Variants in DMD observed in about 807,000 individuals in gnomAD.
DMD encodes mutant dystrophin.
DMD carries 63 observed loss-of-function variants against 330.1 expected under a neutral mutation model. The observed-to-expected ratio is 0.19, with a 90% CI of 0.16 to 0.24. The LOEUF (loss-of-function observed/expected upper bound fraction) is 0.24. DMD is among the 10% of genes least tolerant of loss of function. The pLI is 1.00. For synonymous variants in DMD, 1,223 were observed against 959.8 expected (o/e 1.27, Z -5.07); for missense variants, 3,344 against 2,684.1 (o/e 1.25, Z -5.43).
chrX:32,478,140 G>C (rs180805449), intron 21 of DMD, among the ~76,000 whole-genome samples: 56 of 111,449 alleles, frequency 5.0e-4, no homozygotes, highest in African/African-American at 1.7e-3. Flanking sequence ...CATTTAGGGG[G>C]AGAAAGAGAT....
chrX:31,922,525 TGC>T (rs1557004122), intron 47 of DMD, among the ~76,000 whole-genome samples: 1 of 106,356 alleles, frequency 9.4e-6, no homozygotes, highest in Non-Finnish European at 2.0e-5. Context: ...TGTGTGTGTG[TGC>T]GCGCGCGTGC....
intron 45 of DMD, among the ~76,000 whole-genome samples, chrX:31,966,393 T>G (rs1031640249): frequency 7.2e-5 from 8 of 110,992 alleles, no homozygotes; most frequent in Non-Finnish European, 1.1e-4. Flanking sequence ...AAAATTTAAG[T>G]GATATAAAAA....
intron 44 of DMD, among the ~76,000 whole-genome samples, chrX:32,196,918 A>G (rs542737071): frequency 6.4e-4 from 62 of 97,189 alleles, no homozygotes; most frequent in South Asian, 1.7e-3. Context: ...CCCGGGAGGC[A>G]GAGCTTGCAG....
intron 61 of DMD, among the ~76,000 whole-genome samples, chrX:31,334,231 G>A (rs911627794): frequency 1.8e-5 from 2 of 112,261 alleles, no homozygotes; most frequent in Admixed American, 1.9e-4. Context: ...ACCGCGCCCG[G>A]CCCGAGATAT....
intron 1 of DMD, among the ~76,000 whole-genome samples, chrX:33,321,113 G>A (rs1270252291): frequency 9.0e-6 from 1 of 111,277 alleles, no homozygotes; most frequent in Non-Finnish European, 1.9e-5. Flanking sequence ...CTAAACTCCT[G>A]TTAAATGTGA....
chrX:32,491,979 C>A lies in DMD; in HGVS notation c.2381-461G>T, dbSNP rs756309786. 2.3e-3 allele frequency among the ~76,000 whole-genome samples: 250 copies of A among 111,097 alleles called. 3 individuals carry two copies. Among genetic ancestry groups the A allele is most frequent in the African/African-American group, 7.5e-3 (231 of 30,642 alleles). On this transcript the variant is annotated intron_variant, in intron 19 of 78. Coordinates refer to ENST00000357033, the MANE Select transcript of DMD (RefSeq NM_004006.3). The stretch of plus-strand genomic sequence containing the variant: ...TGGAAATTAGTTTAAATAGTATTTT[C>A]ATAGTTTTAAAAAGAGGAAAAAAAA...
At chrX:31,485,218 G>A (rs995771917) in intron 57 of DMD, among the ~76,000 whole-genome samples, 16 of 111,526 alleles carry the variant, frequency 1.4e-4, no homozygotes, top group African/African-American at 2.0e-4. Flanking sequence ...TTTTTGAGAC[G>A]GAGTCTCGCT....
intron 1 of DMD, among the ~76,000 whole-genome samples, chrX:33,136,271 C>G (rs1283507685): frequency 1.5e-5 from 1 of 67,434 alleles, no homozygotes; most frequent in Non-Finnish European, 2.6e-5. Flanking sequence ...AGAGTGAGAC[C>G]CCGTCTCAAA....
intron 2 of DMD, among the ~76,000 whole-genome samples, chrX:32,876,962 A>C (rs1005280559): frequency 3.6e-5 from 4 of 112,411 alleles, no homozygotes; most frequent in Admixed American, 2.8e-4. Flanking sequence ...ATGATTTATA[A>C]TCAATACCAT....
At chrX:31,494,129 C>A (rs1469025222) in intron 57 of DMD, among the ~76,000 whole-genome samples, 2 of 101,192 alleles carry the variant, frequency 2.0e-5, no homozygotes, top group Admixed American at 1.1e-4. Flanking sequence ...GCAACTCCAG[C>A]CTGGTGACAG....
intron 2 of DMD, among the ~76,000 whole-genome samples, chrX:33,008,941 C>CTCATATAT (rs1569548763): frequency 2.5e-4 from 20 of 79,679 alleles, no homozygotes; most frequent in African/African-American, 9.5e-4. Context: ...TATATACACA[C>CTCATATAT]GTATATATAC....
At chrX:32,887,770 A>AAACAC (rs1557117377) in intron 2 of DMD, among the ~76,000 whole-genome samples, 1 of 70,337 alleles carries the variant, frequency 1.4e-5, no homozygotes, top group Non-Finnish European at 2.9e-5. Flanking sequence ...AAAAAAAAAA[A>AAACAC]AAAAAACATC....
intron 1 of DMD, among the ~76,000 whole-genome samples, chrX:33,159,977 T>A (rs916144783): frequency 8.9e-6 from 1 of 111,869 alleles, no homozygotes; most frequent in Non-Finnish European, 1.9e-5. Flanking sequence ...CACTTACAAT[T>A]TTTTGACTTT....
intron 44 of DMD, among the ~76,000 whole-genome samples, chrX:32,149,020 A>C (rs749722370): frequency 7.8e-4 from 87 of 111,807 alleles, no homozygotes; most frequent in Non-Finnish European, 3.4e-4. Context: ...CTTTTATACC[A>C]TTTTCTTTAA....
chrX:31,423,324 C>T (rs928426975), intron 60 of DMD, among the ~76,000 whole-genome samples: 1 of 111,059 alleles, frequency 9.0e-6, no homozygotes, highest in Non-Finnish European at 1.9e-5. Context: ...CAAAATGCAT[C>T]GCATTTAACT....
chrX:31,637,753 T>C (rs766148328), intron 54 of DMD, among the ~76,000 whole-genome samples: 27 of 111,736 alleles, frequency 2.4e-4, no homozygotes, highest in Non-Finnish European at 4.1e-4. Flanking sequence ...TTTATATTTA[T>C]ATAGAATTTT....
intron 1 of DMD, among the ~76,000 whole-genome samples, chrX:33,220,044 C>A (rs979393843): frequency 1.8e-5 from 2 of 111,256 alleles, no homozygotes; most frequent in Non-Finnish European, 3.8e-5. Flanking sequence ...GTTGGAATAG[C>A]AATAGAAAAG....
intron 52 of DMD, among the ~76,000 whole-genome samples, chrX:31,680,042 G>A (rs1053255273): frequency 8.9e-6 from 1 of 112,060 alleles, no homozygotes; most frequent in East Asian, 2.8e-4. Context: ...CTCCCCTCCA[G>A]CTCCCAGAGG....
At chrX:31,723,669 C>CACACACACA (rs1556847660) in intron 52 of DMD, among the ~76,000 whole-genome samples, 1 of 107,143 alleles carries the variant, frequency 9.3e-6, no homozygotes, top group African/African-American at 3.5e-5. Context: ...CACACACACA[C>CACACACACA]TCCCATGCTG....
Sources: gnomAD v4.1 joint callset for allele counts (sites outside exome capture counted in the v4.1 genomes callset) on GRCh38, gnomAD v4.1.1 for gene constraint, MANE v1.5 for transcripts, NCBI Gene and HGNC (gene_info 2026-07-23, HGNC 2026-07-21) for gene names.